The following KITLG variants were observed in gnomAD, a reference collection of about 807,000 sequenced individuals.
The protein encoded by KITLG is c-Kit ligand.
KITLG carries 13 observed loss-of-function variants against 34.1 expected under a neutral mutation model. That is an observed-to-expected ratio of 0.38 (90% CI 0.25 to 0.61). The LOEUF (loss-of-function observed/expected upper bound fraction) is 0.61. KITLG is among the 20% of genes least tolerant of loss of function. KITLG has a pLI of 0.60. For missense variants in KITLG, 292 were observed against 318.9 expected (o/e 0.92, Z 0.64); for synonymous variants, 110 against 104.0 (o/e 1.06, Z -0.35).
chr12:88,547,333 G>A (rs1011775352), intron 1 of KITLG, among the ~76,000 whole-genome samples: 1 of 152,156 alleles, frequency 6.6e-6, no homozygotes, highest in Non-Finnish European at 1.5e-5. Context: ...ATAGTGGTTT[G>A]TATTCAAGAT....
intron 1 of KITLG, among the ~76,000 whole-genome samples, chr12:88,548,827 G>C (rs1870802765): frequency 6.6e-6 from 1 of 152,180 alleles, no homozygotes; most frequent in South Asian, 2.1e-4. Flanking sequence ...AGTTTCTTGA[G>C]TCCTTGTTGA....
At chr12:88,505,522 TGAC>T (rs1220616629) in intron 8 of KITLG, among the ~76,000 whole-genome samples, 2 of 152,098 alleles carry the variant, frequency 1.3e-5, no homozygotes, top group African/African-American at 4.8e-5. Context: ...CATACAGGCA[TGAC>T]ATGAGAGAAG....
Position 88,518,834 on chromosome 12 carries a change from G to A in KITLG, c.226C>T (p.Gln76Ter). Residue 76 changes from glutamine to a stop codon, truncating the protein, a stop_gained, in exon 4 of 10, where the codon CAA (glutamine) becomes TAA (stop). Coordinates refer to ENST00000644744, the MANE Select transcript of KITLG (RefSeq NM_000899.5). LOFTEE classifies it high-confidence loss of function. The part of the protein sequence containing the change: ...SHCWISEMVV[Q>*]LSDSLTDLLD... ...AGATCAGTCAAGCTGTCTGACAATT[G>A]TACTACCATCTCGCTTATCCAACAA... 6.2e-7 allele frequency: 1 copy of A among 1,613,504 alleles called. No homozygotes were observed. Among genetic ancestry groups the A allele is most frequent in the South Asian group, 1.1e-5 (1 of 91,074 alleles).
At chr12:88,523,491 C>T (rs1157271146) in intron 3 of KITLG, among the ~76,000 whole-genome samples, 1 of 152,184 alleles carries the variant, frequency 6.6e-6, no homozygotes, top group Non-Finnish European at 1.5e-5. Context: ...TTCTTCGGCT[C>T]AATTAAGAAA....
chr12:88,523,127 T>C (rs994052899), intron 3 of KITLG, among the ~76,000 whole-genome samples: 6 of 152,210 alleles, frequency 3.9e-5, no homozygotes, highest in African/African-American at 1.2e-4. Flanking sequence ...ATTAGACGTA[T>C]GCATGCCTAG....
chr12:88,576,098 G>T (rs1592591983), intron 1 of KITLG, among the ~76,000 whole-genome samples: 1 of 152,058 alleles, frequency 6.6e-6, no homozygotes, highest in African/African-American at 2.4e-5. Context: ...CATACAAGGA[G>T]AACTTAGCAA....
intron 1 of KITLG, 67 bp downstream of exon 1, chr12:88,580,197 C>T: frequency 1.3e-6 from 2 of 1,539,642 alleles, no homozygotes; most frequent in Non-Finnish European, 1.8e-6. Context: ...GGAGCGCCGG[C>T]TTCCCCGGGG....
At chr12:88,554,137 A>C (rs1871018157) in intron 1 of KITLG, among the ~76,000 whole-genome samples, 1 of 152,214 alleles carries the variant, frequency 6.6e-6, no homozygotes, top group East Asian at 1.9e-4. Context: ...GTGTGTTGCA[A>C]CACATAAGTC....
At chr12:88,579,724 G>T (rs955701090) in intron 1 of KITLG, among the ~76,000 whole-genome samples, 3 of 151,800 alleles carry the variant, frequency 2.0e-5, no homozygotes, top group Admixed American at 2.0e-4. Flanking sequence ...GCAGGTTCCC[G>T]CCCCGCCGAG....
intron 2 of KITLG, chr12:88,534,735 C>G (rs752943943): frequency 2.9e-5 from 15 of 510,680 alleles, no homozygotes; most frequent in South Asian, 2.1e-4. Flanking sequence ...TTATTTTTGG[C>G]GTTAACTCCC....
chr12:88,567,742 G>C (rs1871492429), intron 1 of KITLG, among the ~76,000 whole-genome samples: 1 of 152,156 alleles, frequency 6.6e-6, no homozygotes, highest in Admixed American at 6.5e-5. Flanking sequence ...GAGGTTTTCT[G>C]GTACCTGTCC....
At chr12:88,532,312 A>T in intron 3 of KITLG, 129 bp downstream of exon 3, 1 of 754,356 alleles carries the variant, frequency 1.3e-6, no homozygotes, top group Non-Finnish European at 2.2e-6. Flanking sequence ...GTCAAATTCC[A>T]AAGATAAATT....
At chr12:88,551,855 A>G (rs1345879963) in intron 1 of KITLG, among the ~76,000 whole-genome samples, 1 of 152,180 alleles carries the variant, frequency 6.6e-6, no homozygotes, top group Non-Finnish European at 1.5e-5. Flanking sequence ...AGAGATGAAG[A>G]GACTATCCTA....
intron 1 of KITLG, among the ~76,000 whole-genome samples, chr12:88,578,260 A>C (rs1592592835): frequency 6.6e-6 from 1 of 152,234 alleles, no homozygotes; most frequent in South Asian, 2.1e-4. Context: ...AGTATTCTTA[A>C]AAAAAACCTT....
At chr12:88,532,593 T>A in intron 2 of KITLG, 90 bp from the exon 3 acceptor site, 1 of 864,040 alleles carries the variant, frequency 1.2e-6, no homozygotes, top group Admixed American at 2.2e-5. Flanking sequence ...CACACAAAAC[T>A]GTTGTGCTTT....
intron 5 of KITLG, 99 bp downstream of exon 5, chr12:88,516,235 G>T: frequency 1.0e-6 from 1 of 972,066 alleles, no homozygotes; most frequent in Non-Finnish European, 1.6e-6. Context: ...GTACATGCAT[G>T]TATCTTGCTA....
chr12:88,496,917 T>C lies in KITLG; in HGVS notation c.*302A>G, dbSNP rs1190992790. Reference sequence around the variant, plus strand: ...GTACATGCAGTCTGAGACACGTGCTTTCTCTTCCAACATCAGCTGCAAGTT... The same window carrying C: ...GTACATGCAGTCTGAGACACGTGCTCTCTCTTCCAACATCAGCTGCAAGTT... On this transcript the variant is annotated 3_prime_UTR_variant, in exon 10 of 10. Transcript: ENST00000644744. The C allele has an allele frequency of 5.7e-6, 1 of 174,490 alleles. No homozygotes were observed. Among genetic ancestry groups the C allele is most frequent in the Non-Finnish European group, 1.2e-5 (1 of 80,958 alleles). 10.8% of individuals were successfully genotyped at this position (174,490 alleles called of 1,614,324 possible).
At chr12:88,533,359 A>T (rs1216368124) in intron 2 of KITLG, among the ~76,000 whole-genome samples, 2 of 152,188 alleles carry the variant, frequency 1.3e-5, no homozygotes, top group African/African-American at 4.8e-5. Context: ...TCAAATGGTC[A>T]TTTAGAATTA....
At chr12:88,512,769 G>A (rs1379640512) in intron 6 of KITLG, among the ~76,000 whole-genome samples, 3 of 151,648 alleles carry the variant, frequency 2.0e-5, no homozygotes, top group Non-Finnish European at 4.4e-5. Context: ...AAAAAATCCT[G>A]TGTACCCAGA....
Sources: allele counts gnomAD v4.1 joint callset (sites outside exome capture counted in the v4.1 genomes callset), GRCh38; gene constraint gnomAD v4.1.1; transcripts MANE v1.5; gene names NCBI Gene and HGNC (gene_info 2026-07-23, HGNC 2026-07-21).